Variants in CNTN1 observed in about 807,000 individuals in gnomAD.
The protein encoded by CNTN1 is contactin-1.
In CNTN1, 38 loss-of-function variants were observed where a neutral mutation model predicts 126.4. The observed-to-expected ratio is 0.30, with a 90% CI of 0.23 to 0.39. The LOEUF (loss-of-function observed/expected upper bound fraction) is 0.39, where lower values mean the gene tolerates loss of function less well. CNTN1 is among the 10% of genes least tolerant of loss of function. CNTN1 has a pLI of 1.00. For missense variants in CNTN1, 1,009 were observed against 1,248.4 expected (o/e 0.81, Z 2.89); for synonymous variants, 413 against 422.6 (o/e 0.98, Z 0.28).
intron 15 of CNTN1, chr12:40,978,631 A>G (rs942074567): frequency 2.0e-5 from 3 of 152,206 alleles, no homozygotes; most frequent in African/African-American, 7.2e-5. Context: ...TGTTTTGCTC[A>G]ACAATATTAC....
At chr12:40,792,757 C>A (rs1293740597) in intron 1 of CNTN1, among the ~76,000 whole-genome samples, 1 of 151,976 alleles carries the variant, frequency 6.6e-6, no homozygotes, top group South Asian at 2.1e-4. Flanking sequence ...TCCTCCAAGA[C>A]CCTTGGCAAA....
intron 1 of CNTN1, among the ~76,000 whole-genome samples, chr12:40,698,403 T>A (rs1941507583): frequency 6.6e-6 from 1 of 151,632 alleles, no homozygotes; most frequent in African/African-American, 2.4e-5. Flanking sequence ...GCCCAGTTAA[T>A]TTTTTTGTAT....
intron 1 of CNTN1, among the ~76,000 whole-genome samples, chr12:40,840,606 TC>T (rs1208795201): frequency 2.0e-5 from 3 of 148,556 alleles, no homozygotes; most frequent in Non-Finnish European, 4.5e-5. Context: ...AAAACAAGTC[TC>T]ATCAATTTTT....
intron 1 of CNTN1, among the ~76,000 whole-genome samples, chr12:40,708,837 C>T (rs1293973285): frequency 6.6e-6 from 1 of 152,174 alleles, no homozygotes; most frequent in Non-Finnish European, 1.5e-5. Flanking sequence ...GAGATTATAG[C>T]AATTCAGTCA....
At chr12:40,933,244 T>G (rs567099255) in intron 7 of CNTN1, among the ~76,000 whole-genome samples, 1 of 152,070 alleles carries the variant, frequency 6.6e-6, no homozygotes, top group South Asian at 2.1e-4. Context: ...GTTATGCAGC[T>G]GTCAGAACGA....
intron 1 of CNTN1, among the ~76,000 whole-genome samples, chr12:40,845,628 C>G (rs933214933): frequency 6.6e-6 from 1 of 152,112 alleles, no homozygotes; most frequent in African/African-American, 2.4e-5. Context: ...AATTAGAGAG[C>G]TGGAAATTTC....
In CNTN1 at chr12:40,925,725, G is replaced by T. The variant is rs1329063776; in HGVS notation, c.496+1073G>T. On this transcript the variant is annotated intron_variant, in intron 6 of 23. Transcript: ENST00000551295. Reference sequence around the variant, plus strand: ...AAAGATGATTGCTTGATAAATACAGGAGGTACATATAAAATTCAAAATTTT... The same window carrying T: ...AAAGATGATTGCTTGATAAATACAGTAGGTACATATAAAATTCAAAATTTT... Among the ~76,000 whole-genome samples, 20 of 143,620 alleles carry T rather than the reference G, an allele frequency of 1.4e-4. No homozygotes were observed. In the Admixed American group the frequency reaches 1.4e-3, roughly 10 times the overall value. 94.2% of individuals were successfully genotyped at this position (143,620 alleles called of 152,430 possible).
chr12:40,727,390 A>G (rs1020975047), intron 1 of CNTN1, among the ~76,000 whole-genome samples: 1 of 152,018 alleles, frequency 6.6e-6, no homozygotes, highest in African/African-American at 2.4e-5. Context: ...AAGAGGATAC[A>G]TGGAATGTAG....
chr12:40,772,030 C>G (rs1478213273), intron 1 of CNTN1, among the ~76,000 whole-genome samples: 1 of 151,922 alleles, frequency 6.6e-6, no homozygotes, highest in Admixed American at 6.6e-5. Flanking sequence ...TTTATATGGT[C>G]AAGTAAATTT....
chr12:40,854,941 T>G (rs312271), intron 1 of CNTN1, among the ~76,000 whole-genome samples: 36,811 of 151,958 alleles, frequency 0.24, 4,966 homozygotes, highest in South Asian at 0.35. Context: ...GGTGCTGGTA[T>G]AGGGGAACAG....
intron 1 of CNTN1, among the ~76,000 whole-genome samples, chr12:40,695,380 C>T (rs1369358985): frequency 2.0e-5 from 3 of 152,170 alleles, no homozygotes; most frequent in African/African-American, 7.2e-5. Context: ...TAGAATGACT[C>T]GGTTCTACAG....
intron 23 of CNTN1, chr12:41,061,922 T>A (rs1949946321): frequency 2.8e-6 from 1 of 362,044 alleles, no homozygotes; most frequent in Admixed American, 3.6e-5. Context: ...TCTACCTAGC[T>A]TAGTATTTGA....
At chr12:40,981,396 G>A (rs867165755) in intron 16 of CNTN1, among the ~76,000 whole-genome samples, 1 of 151,976 alleles carries the variant, frequency 6.6e-6, no homozygotes, top group Non-Finnish European at 1.5e-5. Context: ...TGAGCAAATA[G>A]CATTTATAGC....
intron 16 of CNTN1, among the ~76,000 whole-genome samples, chr12:40,985,004 TTA>T (rs1947921378): frequency 6.6e-6 from 1 of 152,088 alleles, no homozygotes; most frequent in East Asian, 1.9e-4. Context: ...TTGGGGGAGT[TTA>T]TTCAAATTGC....
intron 1 of CNTN1, among the ~76,000 whole-genome samples, chr12:40,785,967 A>C (rs939496812): frequency 6.6e-6 from 1 of 152,156 alleles, no homozygotes; most frequent in Admixed American, 6.6e-5. Flanking sequence ...ACATTTCGAC[A>C]TGAGATTCAG....
At chr12:40,693,739 G>A (rs1459301162) in intron 1 of CNTN1, among the ~76,000 whole-genome samples, 4 of 152,126 alleles carry the variant, frequency 2.6e-5, no homozygotes, top group African/African-American at 7.2e-5. Flanking sequence ...CTGCTGAGCC[G>A]GCTGCCTTGG....
intron 1 of CNTN1, among the ~76,000 whole-genome samples, chr12:40,879,599 A>T (rs140480682): frequency 6.6e-6 from 1 of 152,176 alleles, no homozygotes; most frequent in South Asian, 2.1e-4. Context: ...AGGGTCTAGT[A>T]TTATATCACC....
At chr12:40,782,609 G>A (rs1939846736) in intron 1 of CNTN1, among the ~76,000 whole-genome samples, 1 of 151,888 alleles carries the variant, frequency 6.6e-6, no homozygotes, top group Admixed American at 6.6e-5. Flanking sequence ...GGGACAATTG[G>A]AATGATGCAT....
At chr12:40,854,953 G>A (rs76389286) in intron 1 of CNTN1, among the ~76,000 whole-genome samples, 15,047 of 152,072 alleles carry the variant, frequency 0.099, 880 homozygotes, top group Non-Finnish European at 0.13. Flanking sequence ...GGGGAACAGT[G>A]GCAATGTGTC....
Sources: gnomAD v4.1 joint callset for allele counts (sites outside exome capture counted in the v4.1 genomes callset) on GRCh38, gnomAD v4.1.1 for gene constraint, MANE v1.5 for transcripts, NCBI Gene and HGNC (gene_info 2026-07-23, HGNC 2026-07-21) for gene names.